Variants in SCHIP1 observed in about 807,000 individuals in gnomAD.
SCHIP1 encodes schwannomin-interacting protein 1.
A neutral mutation model predicts 29.7 loss-of-function variants in SCHIP1; 8 were observed. The ratio of observed to expected loss-of-function variants is 0.27; its 90% CI spans 0.16 to 0.49. The LOEUF (loss-of-function observed/expected upper bound fraction) is 0.49, where lower values mean the gene tolerates loss of function less well. Ranked by LOEUF, SCHIP1 falls within the 20% of genes least tolerant of loss-of-function variation. The pLI is 0.99. For missense variants in SCHIP1, 193 were observed against 294.6 expected, an observed-to-expected ratio of 0.66 and a Z score of 2.52; for synonymous variants, 76 against 94.9, an observed-to-expected ratio of 0.80 and a Z score of 1.16.
At chr3:159,637,447 G>A in the SCHIP1 span, among the ~76,000 whole-genome samples, 2 of 151,276 alleles carry the variant, frequency 1.3e-5, no homozygotes, top group South Asian at 2.1e-4. Context: ...TGCTAAGGGT[G>A]GGAGATAGGA....
intron 2 of SCHIP1, among the ~76,000 whole-genome samples, chr3:159,882,263 C>T (rs951601829): frequency 3.9e-5 from 6 of 152,186 alleles, no homozygotes; most frequent in East Asian, 1.9e-4. Flanking sequence ...TATACAGCCC[C>T]GGGAGAGAAT....
chr3:159,578,074 TGGAA>T, the SCHIP1 span, among the ~76,000 whole-genome samples: 5 of 151,330 alleles, frequency 3.3e-5, no homozygotes, highest in African/African-American at 7.3e-5. Context: ...TTTGGGGGGG[TGGAA>T]GGGAGTGCTG....
the SCHIP1 span, among the ~76,000 whole-genome samples, chr3:159,491,505 T>C: frequency 3.9e-5 from 6 of 152,176 alleles, no homozygotes; most frequent in Non-Finnish European, 8.8e-5. Context: ...CTTCCCTCAT[T>C]GCTAGCACAG....
At chr3:159,419,812 GAAA>G in the SCHIP1 span, among the ~76,000 whole-genome samples, 3 of 151,228 alleles carry the variant, frequency 2.0e-5, no homozygotes, top group Admixed American at 2.0e-4. Context: ...TCCATCTTAA[GAAA>G]AAAAAATTAA....
chr3:159,395,442 C>G, the SCHIP1 span, among the ~76,000 whole-genome samples: 1 of 151,872 alleles, frequency 6.6e-6, no homozygotes, highest in South Asian at 2.1e-4. Flanking sequence ...TTCCTGCTTT[C>G]TCTTTTGGGC....
chr3:159,556,241 T>G, the SCHIP1 span, among the ~76,000 whole-genome samples: 1 of 152,018 alleles, frequency 6.6e-6, no homozygotes, highest in African/African-American at 2.4e-5. Context: ...CCAGTTAGAA[T>G]GGCAATCATT....
At chr3:159,277,141 A>G in the SCHIP1 span, among the ~76,000 whole-genome samples, 2 of 152,150 alleles carry the variant, frequency 1.3e-5, no homozygotes, top group Non-Finnish European at 2.9e-5. Context: ...CCTGTGCACC[A>G]CAATGGCAGG....
chr3:159,559,503 G>T, the SCHIP1 span, among the ~76,000 whole-genome samples: 71 of 152,076 alleles, frequency 4.7e-4, no homozygotes, highest in African/African-American at 1.5e-3. Flanking sequence ...AACTTCCCCC[G>T]AAATACTTTA....
chr3:159,519,006 T>C, the SCHIP1 span, among the ~76,000 whole-genome samples: 1 of 152,154 alleles, frequency 6.6e-6, no homozygotes, highest in African/African-American at 2.4e-5. Context: ...ATTTATTTAA[T>C]AGATGACTTC....
At chr3:159,575,209 G>A in the SCHIP1 span, among the ~76,000 whole-genome samples, 9 of 152,180 alleles carry the variant, frequency 5.9e-5, no homozygotes, top group East Asian at 1.9e-4. Context: ...TCTGCAGACC[G>A]GAGCTGTTCC....
chr3:159,350,405 A>C, the SCHIP1 span, among the ~76,000 whole-genome samples: 1 of 152,158 alleles, frequency 6.6e-6, no homozygotes, highest in Non-Finnish European at 1.5e-5. Context: ...ATAGTAAAAA[A>C]GGGTTTGTGT....
At chr3:159,359,828 AAAGAAC>A in the SCHIP1 span, among the ~76,000 whole-genome samples, 1 of 152,218 alleles carries the variant, frequency 6.6e-6, no homozygotes, top group Admixed American at 6.5e-5. Context: ...TCCTCCTGTA[AAAGAAC>A]AACTCATAAA....
At chr3:159,557,831 G>A in the SCHIP1 span, among the ~76,000 whole-genome samples, 1 of 152,158 alleles carries the variant, frequency 6.6e-6, no homozygotes, top group Non-Finnish European at 1.5e-5. Flanking sequence ...TAGGAAAAAG[G>A]TATAAACTAA....
chr3:159,621,507 T>C, the SCHIP1 span, among the ~76,000 whole-genome samples: 2 of 152,216 alleles, frequency 1.3e-5, no homozygotes, highest in Admixed American at 1.3e-4. Flanking sequence ...GTGCCTACAG[T>C]AAAGCCAACT....
At chr3:159,670,265 T>G in the SCHIP1 span, among the ~76,000 whole-genome samples, 2 of 152,168 alleles carry the variant, frequency 1.3e-5, no homozygotes, top group Admixed American at 6.5e-5. Context: ...GAAGAAATAT[T>G]CAAATGGCTT....
the SCHIP1 span, among the ~76,000 whole-genome samples, chr3:159,417,132 G>T: frequency 6.6e-6 from 1 of 152,166 alleles, no homozygotes; most frequent in South Asian, 2.1e-4. Flanking sequence ...CAGTCCCTTT[G>T]GTTCACTTCA....
At chr3:159,320,967 T>C in the SCHIP1 span, among the ~76,000 whole-genome samples, 1 of 152,092 alleles carries the variant, frequency 6.6e-6, no homozygotes, top group Admixed American at 6.5e-5. Flanking sequence ...TTAGTTTTAT[T>C]TATTTTACTT....
chr3:159,621,157 C>T, the SCHIP1 span, among the ~76,000 whole-genome samples: 3 of 152,120 alleles, frequency 2.0e-5, no homozygotes, highest in African/African-American at 4.8e-5. Context: ...GGTGTGCTCC[C>T]GTGTTCACCT....
the SCHIP1 span, among the ~76,000 whole-genome samples, chr3:159,329,263 G>GA: frequency 6.6e-6 from 1 of 152,304 alleles, no homozygotes; most frequent in South Asian, 2.1e-4. Context: ...TGCCCAGGGA[G>GA]ATAGTCTAAG....
Sources: gnomAD v4.1 joint callset for allele counts (sites outside exome capture counted in the v4.1 genomes callset) on GRCh38, gnomAD v4.1.1 for gene constraint, MANE v1.5 for transcripts, NCBI Gene and HGNC (gene_info 2026-07-23, HGNC 2026-07-21) for gene names.